The following AMMECR1 variants were observed in gnomAD, a reference collection of about 807,000 sequenced individuals.
The protein encoded by AMMECR1 is nuclear protein AMMECR1.
AMMECR1 carries 3 observed loss-of-function variants against 22.5 expected under a neutral mutation model. That is an observed-to-expected ratio of 0.13 (90% CI 0.06 to 0.35). The LOEUF is 0.35. AMMECR1 is among the 10% of genes least tolerant of loss of function. The pLI, the probability that AMMECR1 is intolerant of heterozygous loss-of-function variation, is 1.00. For synonymous variants in AMMECR1, 130 were observed against 116.7 expected (o/e 1.11, Z -0.74); for missense variants, 235 against 278.7 (o/e 0.84, Z 1.12).
chrX:110,199,802 C>A (rs2067387958), intron 5 of AMMECR1, among the ~76,000 whole-genome samples: 1 of 111,038 alleles, frequency 9.0e-6, no homozygotes, highest in Non-Finnish European at 1.9e-5. Flanking sequence ...CGCTTCCTGG[C>A]TCATTTTCCT....
At chrX:110,224,386 C>T (rs779185347) in intron 2 of AMMECR1, among the ~76,000 whole-genome samples, 12 of 111,098 alleles carry the variant, frequency 1.1e-4, no homozygotes, top group Non-Finnish European at 1.9e-4. Flanking sequence ...GTATAAAATA[C>T]GTGTTAAAAT....
upstream of AMMECR1, among the ~76,000 whole-genome samples, chrX:110,318,827 T>C (rs1456223776): frequency 8.9e-6 from 1 of 112,343 alleles, no homozygotes; most frequent in East Asian, 2.8e-4. Context: ...TCTATGTATC[T>C]TGTACTTGTT....
chrX:110,344,022 G>A (rs1366858053), intron 2 of AMMECR1, among the ~76,000 whole-genome samples: 2 of 111,695 alleles, frequency 1.8e-5, no homozygotes, highest in African/African-American at 6.5e-5. Context: ...CCAAAAAAGA[G>A]CCCGCATTGC....
At chrX:110,400,624 A>G (rs1338986399) in intron 2 of AMMECR1, among the ~76,000 whole-genome samples, 1 of 110,407 alleles carries the variant, frequency 9.1e-6, no homozygotes, top group Non-Finnish European at 1.9e-5. Context: ...CTTGGAATAC[A>G]CTCTCTTTCC....
chrX:110,301,008 G>A (rs960556908), intron 1 of AMMECR1, among the ~76,000 whole-genome samples: 7 of 111,390 alleles, frequency 6.3e-5, no homozygotes, highest in South Asian at 3.8e-4. Flanking sequence ...GATTGCTTAC[G>A]TCCCTGAATT....
intron 2 of AMMECR1, among the ~76,000 whole-genome samples, chrX:110,388,665 C>T (rs1167311784): frequency 8.9e-6 from 1 of 112,376 alleles, no homozygotes; most frequent in African/African-American, 3.2e-5. Context: ...ATTGCTATAT[C>T]CCACCCCTGA....
chrX:110,399,375 C>G (rs1351446773), intron 2 of AMMECR1, among the ~76,000 whole-genome samples: 1 of 112,461 alleles, frequency 8.9e-6, no homozygotes, highest in Non-Finnish European at 1.9e-5. Flanking sequence ...GGTCTGGCTC[C>G]AAAGCCTAAA....
chrX:110,424,966 G>A (rs1441778667), intron 2 of AMMECR1, among the ~76,000 whole-genome samples: 3 of 111,414 alleles, frequency 2.7e-5, no homozygotes, highest in African/African-American at 6.5e-5. Flanking sequence ...CAGTATTCTC[G>A]CTTTCCCTTT....
intron 2 of AMMECR1, among the ~76,000 whole-genome samples, chrX:110,218,109 C>A (rs1466516292): frequency 9.0e-6 from 1 of 111,065 alleles, no homozygotes; most frequent in African/African-American, 3.3e-5. Flanking sequence ...TATTTTCCTA[C>A]TGACAAATAA....
intron 2 of AMMECR1, among the ~76,000 whole-genome samples, chrX:110,391,053 C>G (rs2068490739): frequency 9.0e-6 from 1 of 111,591 alleles, no homozygotes; most frequent in African/African-American, 3.3e-5. Context: ...TTCTCTTTGC[C>G]TGTTTCCTTC....
intron 2 of AMMECR1, chrX:110,346,844 C>T (rs879068511): frequency 1.5e-6 from 1 of 658,835 alleles, no homozygotes; most frequent in Non-Finnish European, 2.6e-6. Flanking sequence ...CGCTGTTGAG[C>T]CCGGCCTCCA....
chrX:110,279,517 C>T (rs2067842101), intron 1 of AMMECR1, among the ~76,000 whole-genome samples: 1 of 111,803 alleles, frequency 8.9e-6, no homozygotes, highest in East Asian at 2.8e-4. Context: ...AGCTCTCTTT[C>T]CCTCCAAATC....
chrX:110,291,613 T>C (rs1488488892), intron 1 of AMMECR1, among the ~76,000 whole-genome samples: 4 of 111,822 alleles, frequency 3.6e-5, no homozygotes, highest in African/African-American at 6.5e-5. Flanking sequence ...GAGCACATGC[T>C]AAATCTGAAA....
chrX:110,306,148 G>C (rs922155764), intron 1 of AMMECR1, among the ~76,000 whole-genome samples: 2 of 108,051 alleles, frequency 1.9e-5, no homozygotes, highest in Non-Finnish European at 3.8e-5. Flanking sequence ...GAAATTAGCC[G>C]GGCTTGGTGG....
In AMMECR1 at chrX:110,305,082, T is replaced by G. The variant is rs191613205; in HGVS notation, c.473+12517A>C. On this transcript the variant is annotated intron_variant, in intron 1 of 5. Transcript: ENST00000262844. ...GACTTCATTATTTGTTTCATGAATC[T>G]TGTCTTTTCAGTATGACTGCAAGCT... Among the ~76,000 whole-genome samples the G allele has an allele frequency of 5.4e-3, 605 of 112,643 alleles. 3 individuals carry two copies. The highest frequency in any genetic ancestry group is 0.019 in the African/African-American group (587 of 31,017).
upstream of AMMECR1, among the ~76,000 whole-genome samples, chrX:110,320,271 G>T (rs1253488765): frequency 1.8e-5 from 2 of 111,775 alleles, no homozygotes; most frequent in Non-Finnish European, 3.8e-5. Context: ...TGTTTTGTAC[G>T]TTAGGGTGTT....
At chrX:110,368,991 T>C (rs2068317698) in intron 2 of AMMECR1, among the ~76,000 whole-genome samples, 1 of 111,759 alleles carries the variant, frequency 8.9e-6, no homozygotes, top group African/African-American at 3.3e-5. Flanking sequence ...GGAAGTTCCA[T>C]AGATTCTTAA....
intron 2 of AMMECR1, among the ~76,000 whole-genome samples, chrX:110,384,970 G>A (rs2068444886): frequency 9.0e-6 from 1 of 110,868 alleles, no homozygotes; most frequent in Non-Finnish European, 1.9e-5. Flanking sequence ...TGTAGCCCAA[G>A]TCTGTGCAGA....
chrX:110,333,291 CCAGTTG>C (rs2068128054), intron 2 of AMMECR1, among the ~76,000 whole-genome samples: 1 of 111,197 alleles, frequency 9.0e-6, no homozygotes, highest in Admixed American at 9.6e-5. Flanking sequence ...ACATTTTTTG[CCAGTTG>C]TTAGAATGGC....
Sources: gnomAD v4.1 joint callset for allele counts (sites outside exome capture counted in the v4.1 genomes callset) on GRCh38, gnomAD v4.1.1 for gene constraint, MANE v1.5 for transcripts, NCBI Gene and HGNC (gene_info 2026-07-23, HGNC 2026-07-21) for gene names.